Variants in LRRC72 observed in about 807,000 individuals in gnomAD.
LRRC72 encodes leucine-rich repeat-containing protein 72.
In LRRC72, 41 loss-of-function variants were observed where a neutral mutation model predicts 35.8. The ratio of observed to expected loss-of-function variants is 1.15; its 90% CI spans 0.89 to 1.49. The LOEUF (loss-of-function observed/expected upper bound fraction) is 1.49, where lower values mean the gene tolerates loss of function less well. LRRC72 is among the 40% of genes most tolerant of loss of function. The probability of loss-of-function intolerance (pLI) is 0.00; values close to 1 mark genes in which losing one functional copy is unlikely to be tolerated. For synonymous variants in LRRC72, 118 were observed against 119.2 expected (o/e 0.99, Z 0.07); for missense variants, 389 against 330.7 (o/e 1.18, Z -1.37).
At chr7:16,576,787 T>A (rs1307089672) in intron 7 of LRRC72, among the ~76,000 whole-genome samples, 1 of 152,222 alleles carries the variant, frequency 6.6e-6, no homozygotes, top group Non-Finnish European at 1.5e-5. Flanking sequence ...ATTTCCACCA[T>A]GTTTGCTCAA....
At chr7:16,527,098 C>T in intron 1 of LRRC72, 56 bp downstream of exon 1, 1 of 1,405,924 alleles carries the variant, frequency 7.1e-7, no homozygotes, top group African/African-American at 1.4e-5. Context: ...TGCCCCAGGG[C>T]CCCACCTCCT....
At chr7:16,558,148 T>C (rs1323142150) in intron 4 of LRRC72, among the ~76,000 whole-genome samples, 1 of 152,082 alleles carries the variant, frequency 6.6e-6, no homozygotes, top group African/African-American at 2.4e-5. Flanking sequence ...GTACAGAAAA[T>C]ACTTAGCTAT....
chr7:16,564,515 A>G (rs554008874), intron 5 of LRRC72, among the ~76,000 whole-genome samples: 20 of 129,882 alleles, frequency 1.5e-4, no homozygotes, highest in Middle Eastern at 3.7e-3. Flanking sequence ...GAAATCTTGA[A>G]AAAAAAAAAG....
At chr7:16,558,709 ATTC>A (rs1782693311) in intron 4 of LRRC72, among the ~76,000 whole-genome samples, 177 bp from the exon 5 acceptor site, 1 of 152,000 alleles carries the variant, frequency 6.6e-6, no homozygotes, top group African/African-American at 2.4e-5. Flanking sequence ...GCCTTATTGT[ATTC>A]TTAATAATAA....
chr7:16,580,002 C>A, intron 7 of LRRC72, 72 bp from the exon 8 acceptor site: 1 of 329,238 alleles, frequency 3.0e-6, no homozygotes, highest in Non-Finnish European at 6.2e-6. Flanking sequence ...TCCTTTATAG[C>A]ATTGTTCCAC....
intron 7 of LRRC72, among the ~76,000 whole-genome samples, chr7:16,578,719 A>G (rs1341862501): frequency 6.6e-6 from 1 of 152,080 alleles, no homozygotes; most frequent in Non-Finnish European, 1.5e-5. Context: ...TTTACTCACT[A>G]TTTTCTTTAT....
intron 3 of LRRC72, among the ~76,000 whole-genome samples, chr7:16,552,572 T>C (rs1782572039): frequency 6.6e-6 from 1 of 152,164 alleles, no homozygotes; most frequent in Non-Finnish European, 1.5e-5. Context: ...TTTGGATTGA[T>C]TGGTAACCAT....
chr7:16,579,320 A>G (rs1178904664), intron 7 of LRRC72, among the ~76,000 whole-genome samples: 1 of 152,248 alleles, frequency 6.6e-6, no homozygotes, highest in Non-Finnish European at 1.5e-5. Context: ...GAAACGCATG[A>G]GAGACTTTCG....
intron 2 of LRRC72, among the ~76,000 whole-genome samples, chr7:16,535,745 T>C (rs553408328): frequency 4.6e-5 from 7 of 152,332 alleles, no homozygotes; most frequent in South Asian, 4.1e-4. Flanking sequence ...TTACCACCCA[T>C]GTAATTGAGA....
intron 1 of LRRC72, chr7:16,530,420 G>A (rs1782141791): frequency 6.6e-6 from 1 of 152,148 alleles, no homozygotes; most frequent in Admixed American, 6.5e-5. Context: ...CTGTTGGCGA[G>A]GGTGATCTTG....
At chr7:16,554,212 C>A (rs189769175) in intron 3 of LRRC72, among the ~76,000 whole-genome samples, 1,614 of 152,302 alleles carry the variant, frequency 0.011, 12 homozygotes, top group Non-Finnish European at 0.017. Context: ...CGCCTGTAAT[C>A]CCAGCTACTC....
At chr7:16,560,485 CAGG>C (rs377640986) in intron 5 of LRRC72, among the ~76,000 whole-genome samples, 36 of 152,228 alleles carry the variant, frequency 2.4e-4, no homozygotes, top group African/African-American at 6.7e-4. Context: ...TGCCTGCTGT[CAGG>C]AGTTTTTTTC....
intron 7 of LRRC72, among the ~76,000 whole-genome samples, chr7:16,572,335 C>T (rs1782961610): frequency 6.6e-6 from 1 of 152,140 alleles, no homozygotes; most frequent in Non-Finnish European, 1.5e-5. Flanking sequence ...ATACCAAAAC[C>T]TGGCAGAGAC....
At chr7:16,577,897 C>G (rs990119704) in intron 7 of LRRC72, among the ~76,000 whole-genome samples, 1 of 152,112 alleles carries the variant, frequency 6.6e-6, no homozygotes, top group Admixed American at 6.5e-5. Flanking sequence ...GAGGGGGGAA[C>G]GAGCACAATT....
At chr7:16,557,463 G>C (rs960342556) in intron 4 of LRRC72, 22 bp downstream of exon 4, 8 of 999,904 alleles carry the variant, frequency 8.0e-6, no homozygotes, top group African/African-American at 1.7e-5. Flanking sequence ...ATTCTCTGTT[G>C]ATTTAATAAA....
chr7:16,575,196 C>A (rs1783018200), intron 7 of LRRC72, among the ~76,000 whole-genome samples: 1 of 152,144 alleles, frequency 6.6e-6, no homozygotes. Flanking sequence ...TTCTCAGGAT[C>A]TCCTGAGGGC....
chr7:16,537,713 T>A lies in LRRC72; in HGVS notation c.234+17T>A. The stretch of plus-strand genomic sequence containing the variant: ...CATAACAAGGTAGTGTTTTATTTTA[T>A]CTTTCAATTACTAAAATTAAACTAC... On this transcript the variant is annotated intron_variant, in intron 3 of 8. Transcript: ENST00000401542. 3.1e-6 allele frequency: 4 copies of A among 1,287,374 alleles called. No individual in the cohort carries two copies. The highest frequency in any genetic ancestry group is 4.3e-6 in the Non-Finnish European group (4 of 933,492). 79.7% of individuals were successfully genotyped at this position (1,287,374 alleles called of 1,614,324 possible). A position where few individuals can be genotyped will look rare whatever the true frequency, so the allele number is the denominator to read the frequency against.
At chr7:16,538,806 C>G (rs527940068) in intron 3 of LRRC72, among the ~76,000 whole-genome samples, 1 of 152,314 alleles carries the variant, frequency 6.6e-6, no homozygotes, top group African/African-American at 2.4e-5. Context: ...CCATTGCTCC[C>G]TTTCTTACCT....
intron 5 of LRRC72, 83 bp from the exon 6 acceptor site, chr7:16,566,230 C>A: frequency 1.4e-6 from 1 of 739,654 alleles, no homozygotes; most frequent in Non-Finnish European, 1.9e-6. Flanking sequence ...TTATACGAAT[C>A]TCTTAATTTT....
Sources: gnomAD v4.1 joint callset for allele counts (sites outside exome capture counted in the v4.1 genomes callset) on GRCh38, gnomAD v4.1.1 for gene constraint, MANE v1.5 for transcripts, NCBI Gene and HGNC (gene_info 2026-07-23, HGNC 2026-07-21) for gene names.